RBFOX1: variants seen among roughly 807,000 people sequenced by gnomAD.
The protein encoded by RBFOX1 is RNA binding protein fox-1 homolog 1.
A neutral mutation model predicts 57.7 loss-of-function variants in RBFOX1; 8 were observed. That is an observed-to-expected ratio of 0.14 (90% CI 0.08 to 0.25). The LOEUF (loss-of-function observed/expected upper bound fraction) is 0.25, where lower values mean the gene tolerates loss of function less well. Among genes scored for constraint, RBFOX1 ranks in the 10% least tolerant of loss-of-function variants. The pLI is 1.00. For synonymous variants in RBFOX1, 326 were observed against 222.4 expected, an observed-to-expected ratio of 1.47 and a Z score of -4.15; for missense variants, 611 against 548.5, an observed-to-expected ratio of 1.11 and a Z score of -1.14.
intron 1 of RBFOX1, among the ~76,000 whole-genome samples, chr16:6,211,732 T>A (rs2097299250): frequency 6.6e-6 from 1 of 152,192 alleles, no homozygotes; most frequent in Non-Finnish European, 1.5e-5. Context: ...ACACTGGGTC[T>A]TGTAATTGTG....
chr16:6,226,765 T>G (rs957135281), intron 1 of RBFOX1, among the ~76,000 whole-genome samples: 1 of 151,996 alleles, frequency 6.6e-6, no homozygotes, highest in Non-Finnish European at 1.5e-5. Context: ...TAAAATGAAG[T>G]TGTAACAGTA....
At chr16:6,968,187 GCT>G (rs574627130) in intron 3 of RBFOX1, among the ~76,000 whole-genome samples, 12 of 152,164 alleles carry the variant, frequency 7.9e-5, no homozygotes, top group Non-Finnish European at 1.8e-4. Flanking sequence ...GTGTCCTTTA[GCT>G]CTCTTTTCAG....
chr16:5,787,270 T>A (rs28410223), intron 3 of RBFOX1, among the ~76,000 whole-genome samples: 32,384 of 152,196 alleles, frequency 0.21, 4,118 homozygotes, highest in East Asian at 0.55. Flanking sequence ...AGGATTGTGC[T>A]GCTTGGGGAT....
intron 1 of RBFOX1, among the ~76,000 whole-genome samples, chr16:5,410,450 A>G (rs2066990384): frequency 6.6e-6 from 1 of 152,244 alleles, no homozygotes; most frequent in African/African-American, 2.4e-5. Flanking sequence ...AGAAAAGTGA[A>G]ACAGAATGGT....
chr16:6,636,067 T>C (rs913738383), intron 2 of RBFOX1, among the ~76,000 whole-genome samples: 2 of 152,226 alleles, frequency 1.3e-5, no homozygotes, highest in African/African-American at 4.8e-5. Flanking sequence ...GAGTGTATTT[T>C]GACTGCAGTC....
intron 2 of RBFOX1, among the ~76,000 whole-genome samples, chr16:5,495,802 C>G (rs1323920431): frequency 6.6e-6 from 1 of 152,254 alleles, no homozygotes; most frequent in Non-Finnish European, 1.5e-5. Context: ...CTCCAGGCAT[C>G]TTCATGAATG....
chr16:7,522,684 C>T (rs766589626), intron 5 of RBFOX1, among the ~76,000 whole-genome samples: 4 of 152,054 alleles, frequency 2.6e-5, no homozygotes, highest in Non-Finnish European at 5.9e-5. Flanking sequence ...AACAAGGTCC[C>T]TACGTGGGGC....
intron 2 of RBFOX1, among the ~76,000 whole-genome samples, chr16:5,473,197 T>C (rs944617720): frequency 6.6e-6 from 1 of 152,220 alleles, no homozygotes; most frequent in Non-Finnish European, 1.5e-5. Context: ...ATTTACATGA[T>C]TTCTTCCCAC....
At chr16:7,625,986 TACACA>T (rs2060012837) in intron 10 of RBFOX1, among the ~76,000 whole-genome samples, 1 of 152,170 alleles carries the variant, frequency 6.6e-6, no homozygotes, top group Admixed American at 6.5e-5. Flanking sequence ...TTAAATAGAT[TACACA>T]ACACAATTTT....
At chr16:7,056,586 A>G (rs980567640) in intron 4 of RBFOX1, among the ~76,000 whole-genome samples, 4 of 152,178 alleles carry the variant, frequency 2.6e-5, no homozygotes, top group African/African-American at 9.7e-5. Context: ...GAGAAATAAA[A>G]TGATCCTGGG....
At chr16:6,955,326 C>T (rs2081553661) in intron 3 of RBFOX1, among the ~76,000 whole-genome samples, 1 of 148,318 alleles carries the variant, frequency 6.7e-6, no homozygotes. Flanking sequence ...TTCTCTTTCA[C>T]CTTTAAGCCT....
chr16:7,304,282 A>C (rs1361894757), intron 4 of RBFOX1: 1 of 984,590 alleles, frequency 1.0e-6, no homozygotes. Context: ...TTAGATAACC[A>C]GCAAAATTAA....
chr16:6,088,965 G>T (rs376355993), intron 1 of RBFOX1, among the ~76,000 whole-genome samples: 5 of 151,428 alleles, frequency 3.3e-5, no homozygotes. Context: ...GTGTGGTGGC[G>T]CATGCCTGTA....
At chr16:6,779,662 T>C (rs565486948) in intron 3 of RBFOX1, among the ~76,000 whole-genome samples, 17 of 141,110 alleles carry the variant, frequency 1.2e-4, no homozygotes, top group African/African-American at 3.4e-4. Context: ...CTTCTCCATA[T>C]CCTTACCAGC....
intron 1 of RBFOX1, among the ~76,000 whole-genome samples, chr16:5,445,836 C>G (rs772002103): frequency 6.6e-6 from 1 of 152,176 alleles, no homozygotes; most frequent in Non-Finnish European, 1.5e-5. Flanking sequence ...TTTAAACAAG[C>G]GAAGAAGTTC....
chr16:6,172,107 C>T (rs758277365), intron 1 of RBFOX1, among the ~76,000 whole-genome samples: 3 of 152,078 alleles, frequency 2.0e-5, no homozygotes, highest in Non-Finnish European at 2.9e-5. Flanking sequence ...AGGCATGAGC[C>T]ACCGAGCCCA....
At chr16:6,135,090 G>T (rs1387996335) in intron 1 of RBFOX1, among the ~76,000 whole-genome samples, 1 of 151,990 alleles carries the variant, frequency 6.6e-6, no homozygotes, top group African/African-American at 2.4e-5. Flanking sequence ...GTGAGAACAT[G>T]TGGTGTTTGG....
intron 1 of RBFOX1, among the ~76,000 whole-genome samples, chr16:5,384,301 AGCAGCAGCG>A (rs1372940297): frequency 1.3e-5 from 2 of 152,060 alleles, no homozygotes; most frequent in African/African-American, 4.8e-5. Context: ...CAGCAGTAGC[AGCAGCAGCG>A]AATCATCTCA....
chr16:6,147,730 C>T (rs1162219985), intron 1 of RBFOX1, among the ~76,000 whole-genome samples: 1 of 152,218 alleles, frequency 6.6e-6, no homozygotes, highest in East Asian at 1.9e-4. Flanking sequence ...CCTCCCCAGT[C>T]CTCGCACCAA....
Sources: allele counts gnomAD v4.1 joint callset (sites outside exome capture counted in the v4.1 genomes callset), GRCh38; gene constraint gnomAD v4.1.1; transcripts MANE v1.5; gene names NCBI Gene and HGNC (gene_info 2026-07-23, HGNC 2026-07-21).